The following NIPBL variants were observed in gnomAD, a reference collection of about 807,000 sequenced individuals.
The protein encoded by NIPBL is NIPBL cohesin loading factor.
Under a neutral mutation model 321.8 loss-of-function variants are expected in NIPBL, and 19 were observed. That is an observed-to-expected ratio of 0.06 (90% CI 0.04 to 0.09). The LOEUF (loss-of-function observed/expected upper bound fraction) is 0.09, where lower values mean the gene tolerates loss of function less well. NIPBL is among the 10% of genes least tolerant of loss of function. The pLI is 1.00. For missense variants in NIPBL, 2,210 were observed against 3,327.0 expected, an observed-to-expected ratio of 0.66 and a Z score of 8.26; for synonymous variants, 1,106 against 1,114.1, an observed-to-expected ratio of 0.99 and a Z score of 0.14.
intron 21 of NIPBL, among the ~76,000 whole-genome samples, chr5:37,012,209 G>A (rs1261952377): frequency 6.7e-6 from 1 of 150,246 alleles, no homozygotes; most frequent in Non-Finnish European, 1.5e-5. Context: ...GGTTGCAGCA[G>A]CGTGATCACA....
intron 1 of NIPBL, among the ~76,000 whole-genome samples, chr5:36,877,647 CAA>C (rs1339194514): frequency 6.6e-6 from 1 of 152,192 alleles, no homozygotes; most frequent in Non-Finnish European, 1.5e-5. Context: ...CCCAGTGAAA[CAA>C]ACAACCTCCC....
chr5:36,971,147 G>A, intron 7 of NIPBL, 111 bp downstream of exon 7: 1 of 860,990 alleles, frequency 1.2e-6, no homozygotes, highest in Non-Finnish European at 1.9e-6. Context: ...ATTATACTGG[G>A]TACTGAGTAC....
At chr5:36,987,385 C>T (rs1744941939) in intron 10 of NIPBL, among the ~76,000 whole-genome samples, 1 of 152,128 alleles carries the variant, frequency 6.6e-6, no homozygotes, top group Non-Finnish European at 1.5e-5. Flanking sequence ...AAGTTCATTT[C>T]ATTAGTAGTC....
Position 36,985,399 on chromosome 5 carries a change from G to A in NIPBL, c.2219G>A (p.Gly740Asp), listed in dbSNP as rs148420552. ...AGGCCTGAAACTCCAAAGCAAAAAG[G>A]TGAGAGCCGCCCTGAAACTCCAAAG... ...DGRPETPKQK[G>D]ESRPETPKQK... The change falls in exon 10 of 47, where the codon GGT becomes GAT. Residue 740 changes from glycine (G) to aspartate (D), a missense_variant. By Grantham distance (94) the Gly-to-Asp change is moderately conservative (BLOSUM62 -1). This residue lies in a region of NIPBL where 588 missense variants were observed against 564.1 expected (regional missense o/e 1.04). Coordinates refer to ENST00000282516, the MANE Select transcript of NIPBL (RefSeq NM_133433.4). 2.5e-5 allele frequency: 41 copies of A among 1,613,528 alleles called. No individual in the cohort carries two copies. Among genetic ancestry groups the A allele is most frequent in the African/African-American group, 2.5e-4 (19 of 74,952 alleles).
chr5:37,036,431 C>T lies in NIPBL; in HGVS notation c.5915C>T (p.Thr1972Ile), dbSNP rs769605459. 24 of 1,466,088 alleles carry T rather than the reference C, an allele frequency of 1.6e-5. No homozygotes were observed. The highest frequency in any genetic ancestry group is 4.2e-5 in the Admixed American group (2 of 48,140). 90.8% of individuals were successfully genotyped at this position (1,466,088 alleles called of 1,614,324 possible). ...SSYKPVKKAC[T>I]QLVDNLVEHI... Reference sequence around the variant, plus strand: ...TATAAACCTGTGAAGAAAGCTTGTACTCAACTTGTTGATAACCTAGTTGAG... The same window carrying T: ...TATAAACCTGTGAAGAAAGCTTGTATTCAACTTGTTGATAACCTAGTTGAG... The change falls in exon 33 of 47, where the codon ACT becomes ATT. Residue 1972 changes from threonine (T) to isoleucine (I), a missense_variant. By Grantham distance (89) the Thr-to-Ile change is moderately conservative. Around this residue, in one of 14 missense-constraint regions of NIPBL, gnomAD observed 69 missense variants for 100.8 expected, o/e 0.68. Transcript: ENST00000282516.
intron 1 of NIPBL, among the ~76,000 whole-genome samples, chr5:36,940,662 T>C (rs1306512850): frequency 6.6e-6 from 1 of 152,126 alleles, no homozygotes; most frequent in Non-Finnish European, 1.5e-5. Context: ...GTTTTTCATA[T>C]AAAAAACAGC....
intron 10 of NIPBL, 41 bp from the exon 11 acceptor site, chr5:36,995,581 C>T: frequency 6.8e-7 from 1 of 1,474,020 alleles, no homozygotes; most frequent in Admixed American, 1.8e-5. Context: ...CTTTTATCTT[C>T]AGATTTACAT....
chr5:36,944,431 G>C (rs184101100), intron 1 of NIPBL, among the ~76,000 whole-genome samples: 1 of 151,812 alleles, frequency 6.6e-6, no homozygotes, highest in African/African-American at 2.4e-5. Flanking sequence ...CCATGTTTTC[G>C]TACTAGATTG....
In NIPBL at chr5:36,945,687, A is replaced by G. The variant is rs148769818; in HGVS notation, c.-79-7931A>G. On this transcript the variant is annotated intron_variant, in intron 1 of 46. Transcript: ENST00000282516. Reference sequence around the variant, plus strand: ...TTAAAAATTTATTGGAAGTAATTTGAAACTTTAGAAAAGCAGAAATGTTTT... The same window carrying G: ...TTAAAAATTTATTGGAAGTAATTTGGAACTTTAGAAAAGCAGAAATGTTTT... Among the ~76,000 whole-genome samples the G allele has an allele frequency of 7.1e-3, 1,088 of 152,340 alleles. 15 individuals are homozygous for G. Among genetic ancestry groups the G allele is most frequent in the South Asian group, 0.02 (95 of 4,830 alleles).
chr5:37,002,801 A>C, intron 15 of NIPBL, 36 bp downstream of exon 15: 2 of 1,159,484 alleles, frequency 1.7e-6, no homozygotes, highest in Non-Finnish European at 2.6e-6. Context: ...AATTTACTTC[A>C]TAGAAACATT....
At chr5:36,880,210 T>G (rs1001825261) in intron 1 of NIPBL, among the ~76,000 whole-genome samples, 29 of 152,142 alleles carry the variant, frequency 1.9e-4, no homozygotes, top group Admixed American at 5.2e-4. Flanking sequence ...TTCAACTAAT[T>G]TCATATTTAA....
In NIPBL at chr5:36,985,176, A is replaced by G. The variant is rs376032121; in HGVS notation, c.1996A>G (p.Ser666Gly). ...SRTTECKQNE[S>G]TIVEPKQNEN... ...AACAACTGAATGCAAACAAAACGAGAGCACCATAGTTGAGCCTAAACAAAA... is the reference window on the plus strand; with the variant it reads ...AACAACTGAATGCAAACAAAACGAGGGCACCATAGTTGAGCCTAAACAAAA... The change falls in exon 10 of 47, where the codon AGC becomes GGC. Residue 666 changes from serine to glycine, a missense_variant. Transcript: ENST00000282516. 2.5e-6 allele frequency: 4 copies of G among 1,613,970 alleles called. No homozygotes were observed. The highest frequency in any genetic ancestry group is 3.4e-6 in the Non-Finnish European group (4 of 1,179,976).
chr5:37,007,656 GACAA>G (rs1323586675), intron 18 of NIPBL, among the ~76,000 whole-genome samples, 182 bp downstream of exon 18: 1 of 151,924 alleles, frequency 6.6e-6, no homozygotes, highest in Non-Finnish European at 1.5e-5. Flanking sequence ...TTTATCAGGA[GACAA>G]ACAAATGTAG....
intron 34 of NIPBL, among the ~76,000 whole-genome samples, chr5:37,043,333 G>T (rs1399364949): frequency 6.6e-6 from 1 of 151,150 alleles, no homozygotes; most frequent in Non-Finnish European, 1.5e-5. Context: ...TCCTAGACCA[G>T]CCTGGCCAAG....
intron 1 of NIPBL, among the ~76,000 whole-genome samples, chr5:36,895,295 A>C (rs1481088837): frequency 6.6e-6 from 1 of 152,204 alleles, no homozygotes; most frequent in Non-Finnish European, 1.5e-5. Flanking sequence ...AGCATGGATC[A>C]GTACTTCATT....
At chr5:37,063,710 C>A in intron 45 of NIPBL, 80 bp from the exon 46 acceptor site, 1 of 1,400,342 alleles carries the variant, frequency 7.1e-7, no homozygotes, top group Non-Finnish European at 9.9e-7. Flanking sequence ...CAAACTACTG[C>A]CATAGAAAAC....
Position 37,059,056 on chromosome 5 carries a change from T to A in NIPBL, c.7576T>A (p.Leu2526Met). 6.2e-7 allele frequency: 1 copy of A among 1,614,200 alleles called. No individual in the cohort carries two copies. Among genetic ancestry groups the A allele is most frequent in the Non-Finnish European group, 8.5e-7 (1 of 1,180,022 alleles). The part of the protein sequence containing the change: ...EDDINSVMKC[L>M]PENSAPLIEF... ...CGATATAAATTCAGTGATGAAATGT[T>A]TGCCAGAAAATTCAGCTCCTTTAAT... The change falls in exon 44 of 47, where the codon TTG becomes ATG. Residue 2526 changes from leucine to methionine, a missense_variant. Transcript: ENST00000282516.
intron 1 of NIPBL, among the ~76,000 whole-genome samples, chr5:36,905,252 A>G (rs1282295951): frequency 6.6e-6 from 1 of 152,176 alleles, no homozygotes; most frequent in East Asian, 1.9e-4. Flanking sequence ...TATTACTGTA[A>G]TGTGTGTGTT....
Position 37,057,293 on chromosome 5 carries a change from C to G in NIPBL, c.7371C>G (p.Leu2457=), listed in dbSNP as rs752547166. The G allele has an allele frequency of 1.2e-6, 2 of 1,613,678 alleles. No individual in the cohort carries two copies. The highest frequency in any genetic ancestry group is 3.3e-5 in the Admixed American group (2 of 60,016). The change falls in exon 43 of 47, where the codon CTC becomes CTG. Residue 2457 remains leucine, a synonymous_variant. Transcript: ENST00000282516. ...TAATGCATCATATAGACATTACACTCTCAGTTTCTGGTAGTAACCTACTGC... is the reference window on the plus strand; with the variant it reads ...TAATGCATCATATAGACATTACACTGTCAGTTTCTGGTAGTAACCTACTGC... The part of the protein sequence containing the change: ...LFIMHHIDIT[L]SVSGSNLLQS...
Sources: gnomAD v4.1 joint callset for allele counts (sites outside exome capture counted in the v4.1 genomes callset) on GRCh38, gnomAD v4.1.1 for gene constraint, gnomAD v4.1.1 regional missense constraint, MANE v1.5 for transcripts, NCBI Gene and HGNC (gene_info 2026-07-23, HGNC 2026-07-21) for gene names.